Variants in VPS13B observed in about 807,000 individuals in gnomAD.
VPS13B encodes the protein intermembrane lipid transfer protein VPS13B.
In VPS13B, 285 loss-of-function variants were observed where a neutral mutation model predicts 426.4. That is an observed-to-expected ratio of 0.67 (90% CI 0.61 to 0.74). The LOEUF (loss-of-function observed/expected upper bound fraction) is 0.74, where lower values mean the gene tolerates loss of function less well. Among genes scored for constraint, VPS13B ranks in the 30% least tolerant of loss-of-function variants. VPS13B has a pLI of 0.00. For missense variants in VPS13B, 4,537 were observed against 4,782.6 expected, an observed-to-expected ratio of 0.95 and a Z score of 1.51; for synonymous variants, 1,676 against 1,676.4, an observed-to-expected ratio of 1.00 and a Z score of 0.01.
intron 31 of VPS13B, among the ~76,000 whole-genome samples, chr8:99,557,843 C>T (rs762274694): frequency 2.0e-5 from 3 of 152,058 alleles, no homozygotes; most frequent in African/African-American, 4.8e-5. Context: ...GCTAGAAAGG[C>T]GGTATTAGGC....
intron 33 of VPS13B, among the ~76,000 whole-genome samples, chr8:99,588,884 C>A (rs1826446514): frequency 6.6e-6 from 1 of 151,752 alleles, no homozygotes. Flanking sequence ...GCATCCTTGT[C>A]TTGTGCTGGT....
At chr8:99,339,710 A>G (rs1275890363) in intron 19 of VPS13B, among the ~76,000 whole-genome samples, 1 of 152,110 alleles carries the variant, frequency 6.6e-6, no homozygotes, top group Non-Finnish European at 1.5e-5. Context: ...ACAACAAAGT[A>G]TGCTGTAAAA....
chr8:99,080,336 G>A (rs947967463), intron 3 of VPS13B, among the ~76,000 whole-genome samples: 3 of 151,990 alleles, frequency 2.0e-5, no homozygotes, highest in East Asian at 1.9e-4. Flanking sequence ...CTGACCTGTG[G>A]TCATAATAAA....
chr8:99,282,427 G>A (rs1322392289), intron 19 of VPS13B, among the ~76,000 whole-genome samples: 1 of 152,238 alleles, frequency 6.6e-6, no homozygotes, highest in East Asian at 1.9e-4. Context: ...TCTTGAGCTT[G>A]TATGCTACTT....
Position 99,135,645 on chromosome 8 carries a change from C to T in VPS13B, c.1475C>T (p.Thr492Ile). 6.2e-7 allele frequency: 1 copy of T among 1,613,406 alleles called. No individual in the cohort carries two copies. Residue 492 changes from threonine to isoleucine, a missense_variant, in exon 11 of 62, where the codon ACA becomes ATA. By Grantham distance (89) the Thr-to-Ile change is moderately conservative. Around this residue, in one of 2 missense-constraint regions of VPS13B, gnomAD observed 4,311 missense variants for 4,474.3 expected, o/e 0.96. Coordinates refer to ENST00000357162, the MANE Select transcript of VPS13B (RefSeq NM_152564.5). ...GACAATTTGAGTACGAAAGGTTTCA[C>T]ATACCTTACAAATTCATTGTTTGAT... ...CGDNLSTKGF[T>I]YLTNSLFDYR...
intron 19 of VPS13B, among the ~76,000 whole-genome samples, chr8:99,289,909 C>G (rs1439256960): frequency 6.6e-6 from 1 of 152,034 alleles, no homozygotes; most frequent in African/African-American, 2.4e-5. Context: ...AAGATCATTT[C>G]TAGTCCAGAA....
intron 23 of VPS13B, among the ~76,000 whole-genome samples, chr8:99,444,007 C>CTTTTTTTTTTT (rs201151186): frequency 6.8e-6 from 1 of 146,962 alleles, no homozygotes; most frequent in African/African-American, 2.5e-5. Context: ...TTTTTCTTTT[C>CTTTTTTTTTTT]TTTTTTTTTT....
chr8:99,286,903 A>G (rs975205228), intron 19 of VPS13B, among the ~76,000 whole-genome samples: 1 of 152,134 alleles, frequency 6.6e-6, no homozygotes, highest in Non-Finnish European at 1.5e-5. Flanking sequence ...TTTTGAAGAC[A>G]AAGGAAATAT....
chr8:99,752,426 G>A (rs1810444447), intron 39 of VPS13B, among the ~76,000 whole-genome samples: 2 of 152,078 alleles, frequency 1.3e-5, no homozygotes, highest in South Asian at 2.1e-4. Flanking sequence ...AATTTTATTG[G>A]AACATAGACA....
chr8:99,395,762 G>A (rs1814695596), intron 21 of VPS13B, among the ~76,000 whole-genome samples: 1 of 152,108 alleles, frequency 6.6e-6, no homozygotes, highest in African/African-American at 2.4e-5. Flanking sequence ...AGAGAAACTA[G>A]CCAATAGAAA....
intron 21 of VPS13B, among the ~76,000 whole-genome samples, chr8:99,430,952 A>T (rs1347172365): frequency 1.3e-5 from 2 of 151,088 alleles, no homozygotes; most frequent in Non-Finnish European, 2.9e-5. Context: ...TCCTGACCTC[A>T]AGTGATCTGC....
chr8:99,590,811 G>A (rs1022225203), intron 33 of VPS13B, among the ~76,000 whole-genome samples: 14 of 152,022 alleles, frequency 9.2e-5, no homozygotes, highest in East Asian at 1.9e-4. Flanking sequence ...ATGTATATTC[G>A]GTTGATTTGG....
rs975922112 is a variant in VPS13B, at chr8:99,861,693, G to C, written c.11045-83G>C. 9.1e-6 allele frequency: 14 copies of C among 1,530,478 alleles called. No homozygotes were observed. The African/African-American group carries it at 1.9e-4, about 21-fold the overall frequency. The allele number at this position is 1,530,478 out of a possible 1,614,324, so 94.8% of individuals were successfully genotyped here. A position where few individuals can be genotyped will look rare whatever the true frequency, so the allele number is the denominator to read the frequency against. On this transcript the variant is annotated intron_variant, in intron 57 of 61. Transcript: ENST00000357162. ...GGCATGTCCAGGAGGGGCCACAGGT[G>C]CTCCCGCTGCCTCTGAAACTACTGC... is the stretch of plus-strand genomic sequence containing the variant.
intron 14 of VPS13B, among the ~76,000 whole-genome samples, chr8:99,153,779 G>C (rs1811202722): frequency 6.6e-6 from 1 of 151,356 alleles, no homozygotes; most frequent in Non-Finnish European, 1.5e-5. Flanking sequence ...TGCCTTTTCT[G>C]ATGCTGTTTT....
At chr8:99,017,936 T>C (rs996299553) in intron 2 of VPS13B, among the ~76,000 whole-genome samples, 3 of 152,270 alleles carry the variant, frequency 2.0e-5, no homozygotes, top group African/African-American at 4.8e-5. Context: ...TGACATAGTT[T>C]TGAGTTTTTC....
chr8:99,180,459 C>T (rs1018515619), intron 16 of VPS13B, among the ~76,000 whole-genome samples: 2 of 152,110 alleles, frequency 1.3e-5, no homozygotes, highest in African/African-American at 2.4e-5. Flanking sequence ...GTAGAGCCAA[C>T]ACTGCATTAA....
chr8:99,372,211 C>T (rs189612159), intron 19 of VPS13B, among the ~76,000 whole-genome samples: 4,717 of 148,572 alleles, frequency 0.032, 112 homozygotes, highest in South Asian at 0.075. Flanking sequence ...GAGATTGCGC[C>T]ACTGCACTCC....
intron 19 of VPS13B, among the ~76,000 whole-genome samples, chr8:99,285,617 A>G (rs1819392938): frequency 6.6e-6 from 1 of 152,150 alleles, no homozygotes; most frequent in South Asian, 2.1e-4. Flanking sequence ...TACATTTTCT[A>G]TGTGAGTTTT....
At chr8:99,155,137 G>A (rs78457441) in intron 14 of VPS13B, among the ~76,000 whole-genome samples, 11,326 of 151,620 alleles carry the variant, frequency 0.075, 645 homozygotes, top group African/African-American at 0.16. Flanking sequence ...TGAAGGAAAA[G>A]GATGGAAAAA....
Sources: gnomAD v4.1 joint callset for allele counts (sites outside exome capture counted in the v4.1 genomes callset) on GRCh38, gnomAD v4.1.1 for gene constraint, gnomAD v4.1.1 regional missense constraint, MANE v1.5 for transcripts, NCBI Gene and HGNC (gene_info 2026-07-23, HGNC 2026-07-21) for gene names.